SYNM: variants seen among roughly 807,000 people sequenced by gnomAD.
SYNM encodes synemin.
SYNM carries 95 observed loss-of-function variants against 104.0 expected under a neutral mutation model. The ratio of observed to expected loss-of-function variants is 0.91; its 90% confidence interval spans 0.77 to 1.08. The LOEUF (loss-of-function observed/expected upper bound fraction) is 1.08, where lower values mean the gene tolerates loss of function less well. Ranked by LOEUF, SYNM falls within the 50% of genes least tolerant of loss-of-function variation. The probability of loss-of-function intolerance (pLI) is 0.00; values close to 1 mark genes in which losing one functional copy is unlikely to be tolerated. For synonymous variants in SYNM, 918 were observed against 869.0 expected (o/e 1.06, Z -0.99); for missense variants, 2,150 against 2,052.2 (o/e 1.05, Z -0.92).
At chr15:99,139,671 TAAAG>T (rs1202793479), downstream of SYNM, 2 of 1,412,668 alleles carry the variant, frequency 1.4e-6, no homozygotes, top group African/African-American at 1.4e-5. Context: ...TTTTTAAAAA[TAAAG>T]GCAAGAACCT....
At position 99,131,065 on chromosome 15, in the gene SYNM, T is replaced by C; in HGVS notation, c.2705T>C (p.Leu902Pro). 1 of 1,606,270 alleles carries C rather than the reference T, an allele frequency of 6.2e-7. No individual in the cohort carries two copies. Among genetic ancestry groups the C allele is most frequent in the Non-Finnish European group, 8.5e-7 (1 of 1,176,092 alleles). ...CCAGCGCCCTCTCTGGAGGGGGACC[T>C]GGGTTCCACTCACTGGAAAGAACAA... ...DVPAPSLEGDLGSTHWKEQAR... is the reference protein window; with the variant it reads ...DVPAPSLEGDPGSTHWKEQAR... Residue 902 changes from leucine (L) to proline (P), a missense_variant, in exon 4 of 4, where the codon CTG becomes CCG. By Grantham distance (98) the Leu-to-Pro change is moderately conservative. Transcript: ENST00000336292. This position sits in a 1 kb window ranked among gnomAD's most constrained non-coding sequence, Gnocchi z 4.3.
chr15:99,131,089 A>G lies in SYNM; in HGVS notation c.2729A>G (p.Gln910Arg), dbSNP rs184173869. 1.1e-5 allele frequency: 17 copies of G among 1,604,434 alleles called. No homozygotes were observed. In the African/African-American group the frequency reaches 1.9e-4, roughly 18 times the overall value. Residue 910 changes from glutamine (Q) to arginine (R), a missense_variant, in exon 4 of 4, where the codon CAA becomes CGA. By Grantham distance (43) the Gln-to-Arg change is conservative (BLOSUM62 1). Transcript: ENST00000336292. The surrounding 1 kb of genome is among the most constrained non-coding windows in gnomAD (Gnocchi z 4.3). ...GDLGSTHWKE[Q>R]ARSGEFHAEP... ...CTGGGTTCCACTCACTGGAAAGAAC[A>G]AGCTAGAAGCGGTGAATTTCATGCC...
Position 99,130,192 on chromosome 15 carries a change from C to T in SYNM, c.1832C>T (p.Ala611Val). The T allele has an allele frequency of 6.2e-7, 1 of 1,613,912 alleles. No homozygotes were observed. Among genetic ancestry groups the T allele is most frequent in the South Asian group, 1.1e-5 (1 of 91,076 alleles). ...GCTGGTGGTGGGACCGGTAGAGAGG[C>T]AGAAGCAAGAGAGCTACGGTTCAGG... ...KDAGGGTGRE[A>V]EARELRFRLG... The change falls in exon 4 of 4, where the codon GCA becomes GTA. Residue 611 changes from alanine to valine, a missense_variant. Transcript: ENST00000336292.
At chr15:99,119,915 A>G (rs1555484348) in intron 2 of SYNM, among the ~76,000 whole-genome samples, 1 of 152,224 alleles carries the variant, frequency 6.6e-6, no homozygotes, top group African/African-American at 2.4e-5. Context: ...GTCATCATCC[A>G]TCTTACTTTC....
Position 99,105,724 on chromosome 15 carries a change from G to T in SYNM, c.525G>T (p.Ala175=), listed in dbSNP as rs1211258157. 7.3e-6 allele frequency: 11 copies of T among 1,499,516 alleles called. No homozygotes were observed. The highest frequency in any genetic ancestry group is 9.7e-6 in the Non-Finnish European group (11 of 1,128,426). The allele number at this position is 1,499,516 out of a possible 1,614,324, so 92.9% of individuals were successfully genotyped here. A position where few individuals can be genotyped will look rare whatever the true frequency, so the allele number is the denominator to read the frequency against. Residue 175 remains alanine (A), a synonymous_variant, in exon 1 of 4, where the codon GCG becomes GCT. Transcript: ENST00000336292. ...HFRARATGPA[A]PPPRLREVHD... ...GCGCCCGCGCCACCGGCCCCGCCGC[G>T]CCGCCGCCACGCCTGCGGGAGGTGC...
At chr15:99,113,745 C>G in intron 2 of SYNM, 30 bp downstream of exon 2, 2 of 1,611,536 alleles carry the variant, frequency 1.2e-6, no homozygotes, top group Non-Finnish European at 1.7e-6. Flanking sequence ...TTGGCCTTGA[C>G]GAAGCCATGG....
At chr15:99,137,913 C>T (rs782420244), downstream of SYNM, 194 of 1,559,156 alleles carry the variant, frequency 1.2e-4, no homozygotes, top group Non-Finnish European at 1.4e-4. Flanking sequence ...AATCTGTATC[C>T]TGACTGTTGA....
chr15:99,117,053 C>G (rs115955761), intron 2 of SYNM, among the ~76,000 whole-genome samples: 2 of 144,084 alleles, frequency 1.4e-5, no homozygotes, highest in Non-Finnish European at 3.1e-5. Flanking sequence ...GAGGACAGCA[C>G]GAAGCCATTG....
At chr15:99,124,764 C>T (rs1228226003) in intron 2 of SYNM, among the ~76,000 whole-genome samples, 4 of 152,204 alleles carry the variant, frequency 2.6e-5, no homozygotes, top group African/African-American at 9.7e-5. Context: ...GCTGTCTCTG[C>T]ACCCCAGTCT....
chr15:99,110,042 G>T (rs1353187740), intron 1 of SYNM, among the ~76,000 whole-genome samples: 1 of 152,142 alleles, frequency 6.6e-6, no homozygotes, highest in Non-Finnish European at 1.5e-5. Context: ...AGTAACCCAG[G>T]CAGGAAGTGC....
intron 1 of SYNM, among the ~76,000 whole-genome samples, chr15:99,107,702 G>A (rs1466226137): frequency 2.0e-5 from 3 of 152,240 alleles, no homozygotes; most frequent in East Asian, 1.9e-4. Context: ...CCCCTGACTG[G>A]AGGAGACATG....
chr15:99,114,126 G>A (rs1457164130), intron 2 of SYNM, among the ~76,000 whole-genome samples: 2 of 152,202 alleles, frequency 1.3e-5, no homozygotes, highest in African/African-American at 4.8e-5. Flanking sequence ...CCGCTATAAA[G>A]ATCCTACCTG....
intron 1 of SYNM, among the ~76,000 whole-genome samples, chr15:99,109,191 C>T (rs1182420651): frequency 1.3e-5 from 2 of 152,174 alleles, no homozygotes; most frequent in Non-Finnish European, 2.9e-5. Context: ...AGGCGGTAGT[C>T]ATTGGCCTGC....
In SYNM at chr15:99,132,322, C is replaced by G; in HGVS notation, c.3962C>G (p.Thr1321Ser). ...ISIGPQRHQT[T>S]QQIVYHGLVP... ...ATTGGGCCTCAGAGGCATCAGACCA[C>G]CCAGCAGATAGTTTACCATGGGCTG... Residue 1321 changes from threonine (T) to serine (S), a missense_variant, in exon 4 of 4, where the codon ACC (threonine) becomes AGC (serine). Coordinates refer to ENST00000336292, the MANE Select transcript of SYNM (RefSeq NM_145728.3). 6.2e-7 allele frequency: 1 copy of G among 1,612,888 alleles called. No homozygotes were observed.
At chr15:99,137,890 A>G (rs1198507490), downstream of SYNM, 4 of 1,491,896 alleles carry the variant, frequency 2.7e-6, no homozygotes, top group Non-Finnish European at 3.6e-6. Flanking sequence ...TGGGGCCAAC[A>G]GTTGGCCTTG....
Position 99,116,628 on chromosome 15 carries a change from C to T in SYNM, c.935+2913C>T, listed in dbSNP as rs1042372563. ...AGGTGAAAGGGCAGCAGGCATGTCACATGGCAAGAGAGCGAGCAAGAGAGT... is the reference window on the plus strand; with the variant it reads ...AGGTGAAAGGGCAGCAGGCATGTCATATGGCAAGAGAGCGAGCAAGAGAGT... On this transcript the variant is annotated intron_variant, in intron 2 of 3. Transcript: ENST00000336292. 8.4e-5 allele frequency among the ~76,000 whole-genome samples: 12 copies of T among 143,522 alleles called. 1 individual carries two copies. Among genetic ancestry groups the T allele is most frequent in the African/African-American group, 2.2e-4 (9 of 40,288 alleles). 94.2% of individuals were successfully genotyped at this position (143,522 alleles called of 152,430 possible). A position where few individuals can be genotyped will look rare whatever the true frequency, so the allele number is the denominator to read the frequency against.
intron 1 of SYNM, among the ~76,000 whole-genome samples, chr15:99,106,267 A>C (rs547518496): frequency 6.6e-6 from 1 of 152,102 alleles, no homozygotes; most frequent in East Asian, 1.9e-4. Context: ...AGCTGCTTTA[A>C]CTCTTGACAA....
intron 3 of SYNM, chr15:99,129,055 A>T (rs1288667183): frequency 2.1e-5 from 5 of 243,902 alleles, no homozygotes; most frequent in African/African-American, 1.1e-4. Flanking sequence ...AAAAACGAGC[A>T]CCTCTGACCT....
At chr15:99,139,021 A>G (rs1167643220), downstream of SYNM, 28 of 446,132 alleles carry the variant, frequency 6.3e-5, no homozygotes, top group Non-Finnish European at 1.1e-4. Flanking sequence ...AGGAGGCCAC[A>G]GGGATTCCCG....
Sources: gnomAD v4.1 joint callset for allele counts (sites outside exome capture counted in the v4.1 genomes callset) on GRCh38, gnomAD v4.1.1 for gene constraint, Gnocchi (gnomAD v3.1) non-coding constraint, MANE v1.5 for transcripts, NCBI Gene and HGNC (gene_info 2026-07-23, HGNC 2026-07-21) for gene names.